TBC1D21: variants seen among roughly 807,000 people sequenced by gnomAD.
TBC1D21 encodes male germ cell Rab GTPase-activating protein.
A neutral mutation model predicts 46.0 loss-of-function variants in TBC1D21; 38 were observed. That is an observed-to-expected ratio of 0.83 (90% CI 0.64 to 1.08). The LOEUF is 1.08. TBC1D21 is among the 50% of genes least tolerant of loss of function. TBC1D21 has a pLI of 0.00. For synonymous variants in TBC1D21, 151 were observed against 157.2 expected, an observed-to-expected ratio of 0.96 and a Z score of 0.29; for missense variants, 415 against 417.9, an observed-to-expected ratio of 0.99 and a Z score of 0.06.
At chr15:73,892,101 C>T (rs8039058), downstream of TBC1D21, among the ~76,000 whole-genome samples, 2,183 of 152,286 alleles carry the variant, frequency 0.014, 45 homozygotes, top group African/African-American at 0.05. Flanking sequence ...GCACTTCCTC[C>T]CCTCTGAAGC....
At chr15:73,873,909 T>A in intron 1 of TBC1D21, 140 bp downstream of exon 1, 1 of 936,858 alleles carries the variant, frequency 1.1e-6, no homozygotes, top group Non-Finnish European at 1.6e-6. Flanking sequence ...TACCTTACTC[T>A]TACCATCAGC....
chr15:73,889,875 C>G (rs1335773630), downstream of TBC1D21, among the ~76,000 whole-genome samples: 1 of 152,232 alleles, frequency 6.6e-6, no homozygotes, highest in Non-Finnish European at 1.5e-5. Context: ...CAGCCCTGAG[C>G]CCCTGTCCAG....
chr15:73,905,483 G>A, the TBC1D21 span, among the ~76,000 whole-genome samples: 1 of 152,092 alleles, frequency 6.6e-6, no homozygotes, highest in Non-Finnish European at 1.5e-5. Context: ...TAGAGTCCCC[G>A]GATTCAGGCA....
At chr15:73,904,053 A>T in the TBC1D21 span, among the ~76,000 whole-genome samples, 12 of 151,440 alleles carry the variant, frequency 7.9e-5, no homozygotes, top group South Asian at 4.2e-4. Context: ...GTCTCAAAAA[A>T]ATATATATAT....
intron 9 of TBC1D21, among the ~76,000 whole-genome samples, chr15:73,887,944 C>T (rs1181345542): frequency 2.0e-5 from 3 of 152,200 alleles, no homozygotes. Context: ...ACAAGCTTGA[C>T]ACAGGGAGGC....
intron 1 of TBC1D21, among the ~76,000 whole-genome samples, chr15:73,879,812 A>G (rs4272992): frequency 0.44 from 66,551 of 152,050 alleles, 16,062 homozygotes; most frequent in Middle Eastern, 0.62. Flanking sequence ...TCTTCTCTCC[A>G]GCAGAAGAGA....
intron 7 of TBC1D21, 78 bp downstream of exon 7, chr15:73,886,252 T>A: frequency 7.7e-7 from 1 of 1,305,044 alleles, no homozygotes; most frequent in Non-Finnish European, 1.1e-6. Context: ...TGTCAGTCCC[T>A]AATCATGGGG....
rs778752783 is a variant in TBC1D21 at position 73,884,855 on chromosome 15, A to T, written c.442A>T (p.Ile148Phe). The change falls in exon 5 of 11, where the codon ATC becomes TTC. Residue 148 changes from isoleucine (I) to phenylalanine (F), a missense_variant. By Grantham distance (21) the Ile-to-Phe change is conservative. Coordinates refer to ENST00000300504, the MANE Select transcript of TBC1D21 (RefSeq NM_153356.3). The part of the protein sequence containing the change: ...VLIDKKRLEK[I>F]LLLSYVCNTQ... ...CATCGACAAGAAGAGGCTAGAGAAG[A>T]TCCTGCTCCTGAGTTACGTCTGCAA... is the stretch of plus-strand genomic sequence containing the variant. 1 of 1,614,134 alleles carries T rather than the reference A, an allele frequency of 6.2e-7. No individual in the cohort carries two copies. Among genetic ancestry groups the T allele is most frequent in the Non-Finnish European group, 8.5e-7 (1 of 1,180,016 alleles).
the TBC1D21 span, among the ~76,000 whole-genome samples, chr15:73,903,468 C>T: frequency 0.011 from 1,721 of 152,322 alleles, 22 homozygotes; most frequent in African/African-American, 0.039. Context: ...CAGTGTTCCA[C>T]AGCAGTAGCT....
chr15:73,874,533 G>A (rs545517533), intron 1 of TBC1D21, among the ~76,000 whole-genome samples: 31 of 152,278 alleles, frequency 2.0e-4, no homozygotes, highest in South Asian at 1.7e-3. Context: ...TTTTATAAAT[G>A]AGAACATGGA....
At chr15:73,886,812 A>G (rs920166866) in intron 8 of TBC1D21, among the ~76,000 whole-genome samples, 200 bp downstream of exon 8, 22 of 152,140 alleles carry the variant, frequency 1.4e-4, no homozygotes, top group Non-Finnish European at 2.6e-4. Context: ...ATTTAACACA[A>G]AGGCCCCACT....
chr15:73,888,627 TTCC>T lies in TBC1D21; in HGVS notation c.978+123_978+125del, dbSNP rs201793774. ...CCTCTTCTTCCTCCTCCTCCTCTTC[TTCC>T]TCCTCCTCTTCTTCTTCCTCCTCCT... On this transcript the variant is annotated intron_variant, in intron 10 of 10. Transcript: ENST00000300504. 4.9e-3 allele frequency: 3,283 copies of T among 667,200 alleles called. 66 individuals carry two copies. In the African/African-American group the frequency reaches 0.056, roughly 11 times the overall value. 41.3% of individuals were successfully genotyped at this position (667,200 alleles called of 1,614,324 possible).
At chr15:73,880,989 G>T (rs1308596880) in intron 1 of TBC1D21, among the ~76,000 whole-genome samples, 3 of 152,154 alleles carry the variant, frequency 2.0e-5, no homozygotes, top group Non-Finnish European at 4.4e-5. Context: ...GAGGGCCATA[G>T]TTGTACTATA....
the TBC1D21 span, among the ~76,000 whole-genome samples, chr15:73,901,131 C>T: frequency 0.076 from 11,574 of 152,214 alleles, 920 homozygotes; most frequent in East Asian, 0.2. Flanking sequence ...TCTGGGGATG[C>T]GTAGCTGTGC....
Position 73,886,099 on chromosome 15 carries a change from A to T in TBC1D21, c.601A>T (p.Ile201Phe). The T allele has an allele frequency of 6.2e-7, 1 of 1,614,142 alleles. No individual in the cohort carries two copies. Among genetic ancestry groups the T allele is most frequent in the South Asian group, 1.1e-5 (1 of 91,076 alleles). ...QKTEHSCVIN[I>F]GVAKNLDMLS... The stretch of plus-strand genomic sequence containing the variant: ...GCAGGAACACAGCTGTGTCATCAAC[A>T]TTGGCGTGGCCAAGAACCTAGACAT... The change falls in exon 7 of 11, where the codon ATT (isoleucine) becomes TTT (phenylalanine). Residue 201 changes from isoleucine to phenylalanine, a missense_variant. Physicochemically the swap from Ile to Phe is conservative, Grantham distance 21. Coordinates refer to ENST00000300504, the MANE Select transcript of TBC1D21 (RefSeq NM_153356.3).
At position 73,883,729 on chromosome 15, in the gene TBC1D21, A is replaced by G. The variant is rs186720291; in HGVS notation, c.273-422A>G. On this transcript the variant is annotated intron_variant, in intron 3 of 10. Transcript: ENST00000300504. Reference sequence around the variant, plus strand: ...GCGGCCAGCAATACCAACTAATCATATTCTAATAATGAGGACAAAACACCG... The same window carrying G: ...GCGGCCAGCAATACCAACTAATCATGTTCTAATAATGAGGACAAAACACCG... Among the ~76,000 whole-genome samples the G allele has an allele frequency of 1.4e-3, 212 of 152,312 alleles. 1 individual carries two copies. Among genetic ancestry groups the G allele is most frequent in the Admixed American group, 3.9e-3 (60 of 15,308 alleles).
At chr15:73,905,878 G>C in the TBC1D21 span, among the ~76,000 whole-genome samples, 1 of 152,112 alleles carries the variant, frequency 6.6e-6, no homozygotes, top group Non-Finnish European at 1.5e-5. Flanking sequence ...GGGAATTCCA[G>C]GGCCCTTCCC....
chr15:73,881,364 T>C lies in TBC1D21; in HGVS notation c.61-35T>C, dbSNP rs367607899. The C allele has an allele frequency of 2.6e-6, 4 of 1,545,448 alleles. No homozygotes were observed. In the African/African-American group the frequency reaches 5.5e-5, roughly 21 times the overall value. On this transcript the variant is annotated intron_variant, in intron 1 of 10. Transcript: ENST00000300504. ...ATCACACTTAAAAGCCGAAGCCTTC[T>C]AACATAAGGCAGAACTGGTTGCTGC...
intron 1 of TBC1D21, among the ~76,000 whole-genome samples, chr15:73,876,437 G>T (rs2068070579): frequency 6.7e-6 from 1 of 148,628 alleles, no homozygotes; most frequent in South Asian, 2.2e-4. Context: ...TAGAGAAGGG[G>T]TTTCACCATG....
Sources: allele counts gnomAD v4.1 joint callset (sites outside exome capture counted in the v4.1 genomes callset), GRCh38; gene constraint gnomAD v4.1.1; transcripts MANE v1.5; gene names NCBI Gene and HGNC (gene_info 2026-07-23, HGNC 2026-07-21).